MACROD2: variants seen among roughly 807,000 people sequenced by gnomAD.
MACROD2 encodes ADP-ribose glycohydrolase MACROD2.
Under a neutral mutation model 70.4 loss-of-function variants are expected in MACROD2, and 36 were observed. That is an observed-to-expected ratio of 0.51 (90% CI 0.39 to 0.68). The LOEUF is 0.68. Ranked by LOEUF, MACROD2 falls within the 30% of genes least tolerant of loss-of-function variation. The pLI is 0.00. For missense variants in MACROD2, 496 were observed against 538.4 expected, an observed-to-expected ratio of 0.92 and a Z score of 0.78; for synonymous variants, 172 against 178.8, an observed-to-expected ratio of 0.96 and a Z score of 0.30.
chr20:14,206,845 C>T (rs374718965), intron 3 of MACROD2, among the ~76,000 whole-genome samples: 12 of 152,156 alleles, frequency 7.9e-5, no homozygotes, highest in African/African-American at 2.9e-4. Flanking sequence ...CAAGCATTTC[C>T]TACTTGCTAA....
At chr20:14,383,889 A>G (rs1268121435) in intron 3 of MACROD2, among the ~76,000 whole-genome samples, 1 of 152,116 alleles carries the variant, frequency 6.6e-6, no homozygotes, top group Non-Finnish European at 1.5e-5. Flanking sequence ...ATTTAATAGA[A>G]TAATTTATGT....
intron 3 of MACROD2, among the ~76,000 whole-genome samples, chr20:14,322,086 A>C (rs1234195202): frequency 6.8e-6 from 1 of 147,886 alleles, no homozygotes; most frequent in African/African-American, 2.5e-5. Context: ...TAGTCTTATT[A>C]ATATCATTTA....
At chr20:14,334,801 T>TC (rs1415069035) in intron 3 of MACROD2, among the ~76,000 whole-genome samples, 2 of 152,110 alleles carry the variant, frequency 1.3e-5, no homozygotes, top group African/African-American at 4.8e-5. Flanking sequence ...AATGCTTTTT[T>TC]TTTTTAAATA....
intron 5 of MACROD2, among the ~76,000 whole-genome samples, chr20:14,974,593 C>A (rs1039393989): frequency 6.6e-6 from 1 of 152,028 alleles, no homozygotes; most frequent in African/African-American, 2.4e-5. Context: ...TAAATAATTA[C>A]CTGGCCTAGA....
chr20:14,649,117 C>A (rs1017320620), intron 4 of MACROD2, among the ~76,000 whole-genome samples: 2 of 152,172 alleles, frequency 1.3e-5, no homozygotes, highest in East Asian at 1.9e-4. Flanking sequence ...CTTCTACCCC[C>A]CTGCCCAGTT....
At chr20:14,625,056 G>C (rs1008551722) in intron 4 of MACROD2, among the ~76,000 whole-genome samples, 1 of 152,050 alleles carries the variant, frequency 6.6e-6, no homozygotes, top group Non-Finnish European at 1.5e-5. Flanking sequence ...TAGGCTGGGT[G>C]TGGTGGCTCA....
intron 3 of MACROD2, among the ~76,000 whole-genome samples, chr20:14,130,919 G>T (rs907745498): frequency 8.8e-5 from 12 of 136,962 alleles, no homozygotes; most frequent in Admixed American, 4.4e-4. Context: ...TAAAATAATT[G>T]TGTTTTTTTT....
At chr20:14,887,086 A>G (rs984477584) in intron 5 of MACROD2, among the ~76,000 whole-genome samples, 4 of 152,180 alleles carry the variant, frequency 2.6e-5, no homozygotes, top group Admixed American at 6.5e-5. Flanking sequence ...CAAAATAGCC[A>G]TATCATAGTA....
intron 4 of MACROD2, among the ~76,000 whole-genome samples, chr20:14,533,712 T>G (rs1568658042): frequency 6.6e-6 from 1 of 152,238 alleles, no homozygotes; most frequent in Non-Finnish European, 1.5e-5. Context: ...AATTCTCATA[T>G]ACTATTGTAT....
chr20:15,998,103 A>G (rs953705377), intron 15 of MACROD2, among the ~76,000 whole-genome samples: 1 of 152,134 alleles, frequency 6.6e-6, no homozygotes, highest in African/African-American at 2.4e-5. Flanking sequence ...AATGTTTTCT[A>G]TCTATTTTCA....
chr20:15,226,385 A>G (rs2076906352), intron 5 of MACROD2, among the ~76,000 whole-genome samples: 1 of 152,194 alleles, frequency 6.6e-6, no homozygotes, highest in African/African-American at 2.4e-5. Flanking sequence ...CTTCCTATGT[A>G]TCAGACTTTG....
chr20:14,928,260 G>C (rs979882114), intron 5 of MACROD2, among the ~76,000 whole-genome samples: 1 of 152,072 alleles, frequency 6.6e-6, no homozygotes, highest in Non-Finnish European at 1.5e-5. Flanking sequence ...ATCCTCACGG[G>C]TTCATATCGT....
At chr20:14,522,622 C>T (rs999443743) in intron 4 of MACROD2, among the ~76,000 whole-genome samples, 1 of 152,204 alleles carries the variant, frequency 6.6e-6, no homozygotes, top group African/African-American at 2.4e-5. Flanking sequence ...CTCCAACAGG[C>T]CTTTTGGTTT....
rs76729136 is a variant in MACROD2 at position 15,551,136 on chromosome 20, C to T, written c.645+51289C>T. The stretch of plus-strand genomic sequence containing the variant: ...GCCAGGGAGGGCTGTGGAGGTTCAG[C>T]TGCTCCATTTATAGGCTTTCAACAG... On this transcript the variant is annotated intron_variant, in intron 8 of 17. Transcript: ENST00000684519. Among the ~76,000 whole-genome samples the T allele has an allele frequency of 3.2e-3, 483 of 152,100 alleles. 1 individual carries two copies. Among genetic ancestry groups the T allele is most frequent in the Non-Finnish European group, 5.8e-3 (396 of 67,986 alleles).
intron 8 of MACROD2, among the ~76,000 whole-genome samples, chr20:15,847,181 A>G (rs1010274812): frequency 6.6e-6 from 1 of 152,186 alleles, no homozygotes; most frequent in African/African-American, 2.4e-5. Flanking sequence ...CAACATTTCC[A>G]AAAGTATAAC....
At chr20:15,985,027 G>A (rs1234005114) in intron 13 of MACROD2, among the ~76,000 whole-genome samples, 4 of 152,094 alleles carry the variant, frequency 2.6e-5, no homozygotes, top group Non-Finnish European at 4.4e-5. Context: ...TGAAACAAGG[G>A]ACCTGTCCAG....
chr20:14,697,625 C>T (rs2071142262), intron 5 of MACROD2, among the ~76,000 whole-genome samples: 1 of 152,166 alleles, frequency 6.6e-6, no homozygotes, highest in Non-Finnish European at 1.5e-5. Flanking sequence ...TCACACAGCC[C>T]TCTTTCCTCC....
chr20:14,627,771 T>A (rs1984267459), intron 4 of MACROD2, among the ~76,000 whole-genome samples: 1 of 152,194 alleles, frequency 6.6e-6, no homozygotes, highest in Non-Finnish European at 1.5e-5. Context: ...ATTGAACAAT[T>A]AAAGAGTGCT....
At chr20:14,400,968 A>G (rs999379487) in intron 3 of MACROD2, among the ~76,000 whole-genome samples, 2 of 152,180 alleles carry the variant, frequency 1.3e-5, no homozygotes, top group African/African-American at 2.4e-5. Flanking sequence ...GCTATAGACT[A>G]TCATCATTAC....
Sources: gnomAD v4.1 joint callset for allele counts (sites outside exome capture counted in the v4.1 genomes callset) on GRCh38, gnomAD v4.1.1 for gene constraint, MANE v1.5 for transcripts, NCBI Gene and HGNC (gene_info 2026-07-23, HGNC 2026-07-21) for gene names.